The following FTO variants were observed in gnomAD, a reference collection of about 807,000 sequenced individuals.
The protein encoded by FTO is FTO alpha-ketoglutarate dependent dioxygenase.
Under a neutral mutation model 63.9 loss-of-function variants are expected in FTO, and 47 were observed. The observed-to-expected ratio is 0.74, with a 90% CI of 0.58 to 0.94. FTO has a LOEUF of 0.94. FTO is among the 40% of genes least tolerant of loss of function. The pLI, the probability that FTO is intolerant of heterozygous loss-of-function variation, is 0.00. For missense variants in FTO, 562 were observed against 618.1 expected, an observed-to-expected ratio of 0.91 and a Z score of 0.96; for synonymous variants, 207 against 224.4, an observed-to-expected ratio of 0.92 and a Z score of 0.69.
At chr16:54,027,471 A>G (rs1247214887) in intron 8 of FTO, among the ~76,000 whole-genome samples, 1 of 149,786 alleles carries the variant, frequency 6.7e-6, no homozygotes, top group East Asian at 2.0e-4. Context: ...AAAAAAGGAC[A>G]TTAGGAACCC....
intron 1 of FTO, among the ~76,000 whole-genome samples, chr16:53,773,471 A>G (rs2077389741): frequency 1.3e-5 from 2 of 152,136 alleles, no homozygotes; most frequent in Admixed American, 6.5e-5. Context: ...TCTCCACCCT[A>G]GGCAGCTACT....
At chr16:53,893,812 G>A (rs1388716004) in intron 7 of FTO, among the ~76,000 whole-genome samples, 1 of 152,196 alleles carries the variant, frequency 6.6e-6, no homozygotes, top group Non-Finnish European at 1.5e-5. Context: ...AGAATAAAAA[G>A]TAGATCCTGA....
chr16:53,878,328 G>T (rs2080726161), intron 5 of FTO, among the ~76,000 whole-genome samples: 1 of 152,104 alleles, frequency 6.6e-6, no homozygotes, highest in Non-Finnish European at 1.5e-5. Flanking sequence ...TGTTGTAGAG[G>T]TTGCTGTGGG....
At chr16:53,860,664 T>C (rs1393170907) in intron 4 of FTO, among the ~76,000 whole-genome samples, 2 of 152,086 alleles carry the variant, frequency 1.3e-5, no homozygotes, top group African/African-American at 4.8e-5. Context: ...GAGAACTCAC[T>C]GTCATGAGAA....
At chr16:53,959,745 C>CT (rs2083026130) in intron 8 of FTO, among the ~76,000 whole-genome samples, 2 of 152,018 alleles carry the variant, frequency 1.3e-5, no homozygotes, top group Admixed American at 1.3e-4. Context: ...CAGCCTAATT[C>CT]TGGAGCCTAA....
intron 8 of FTO, chr16:53,979,449 T>C: frequency 2.5e-6 from 1 of 398,582 alleles, no homozygotes; most frequent in East Asian, 3.6e-5. Flanking sequence ...ATATTACAGT[T>C]TGAAAACATC....
rs1412828427 is a variant in FTO, at chr16:54,111,831, G to C, written c.1434G>C (p.Lys478Asn). 3 of 1,614,170 alleles carry C rather than the reference G, an allele frequency of 1.9e-6. No homozygotes were observed. Among genetic ancestry groups the C allele is most frequent in the Non-Finnish European group, 2.5e-6 (3 of 1,180,012 alleles). The change falls in exon 9 of 9, where the codon AAG (lysine) becomes AAC (asparagine). Residue 478 changes from lysine to asparagine, a missense_variant. Physicochemically the swap from Lys to Asn is moderately conservative, Grantham distance 94. Transcript: ENST00000471389. ...CAGAATGTCGGCCATACTGGGAAAA[G>C]GATGATGCTTCGATGCCTCTGCCGT... ...QKPECRPYWE[K>N]DDASMPLPFD...
chr16:53,769,754 T>A (rs973290975), intron 1 of FTO, among the ~76,000 whole-genome samples: 1 of 152,068 alleles, frequency 6.6e-6, no homozygotes, highest in African/African-American at 2.4e-5. Context: ...TTAAACATAA[T>A]AAAATGCATT....
At chr16:53,795,569 C>G (rs2078041478) in intron 1 of FTO, among the ~76,000 whole-genome samples, 1 of 152,022 alleles carries the variant, frequency 6.6e-6, no homozygotes. Flanking sequence ...CAGCCTCCCA[C>G]AAGTGTTGGG....
intron 4 of FTO, among the ~76,000 whole-genome samples, chr16:53,850,952 G>A (rs1394326239): frequency 2.0e-5 from 3 of 152,060 alleles, no homozygotes; most frequent in Non-Finnish European, 4.4e-5. Context: ...TGAGTGAATT[G>A]TATGGTACAT....
chr16:53,884,288 G>A (rs2080939300), intron 6 of FTO, among the ~76,000 whole-genome samples: 1 of 152,168 alleles, frequency 6.6e-6, no homozygotes, highest in Non-Finnish European at 1.5e-5. Flanking sequence ...TTTAAAGATA[G>A]TAAAATGTGG....
intron 1 of FTO, among the ~76,000 whole-genome samples, chr16:53,806,303 G>A (rs1598711855): frequency 6.6e-6 from 1 of 152,142 alleles, no homozygotes; most frequent in Non-Finnish European, 1.5e-5. Flanking sequence ...TGTTTGAATT[G>A]GTAATAGGTA....
intron 1 of FTO, among the ~76,000 whole-genome samples, chr16:53,758,022 G>T (rs2076963147): frequency 1.3e-5 from 2 of 152,118 alleles, no homozygotes; most frequent in African/African-American, 4.8e-5. Flanking sequence ...TTAATCAAAG[G>T]CATAATCAAG....
chr16:53,795,120 T>C (rs371607523), intron 1 of FTO, among the ~76,000 whole-genome samples: 3 of 151,994 alleles, frequency 2.0e-5, no homozygotes, highest in African/African-American at 7.2e-5. Context: ...AACAACGACA[T>C]GAAAAAGAAC....
chr16:53,979,536 TG>T, intron 8 of FTO: 1 of 52,412 alleles, frequency 1.9e-5, no homozygotes, highest in Non-Finnish European at 3.9e-5. Flanking sequence ...TGTTTATGGC[TG>T]TGTGTGTGTG....
intron 1 of FTO, among the ~76,000 whole-genome samples, chr16:53,718,228 ATTAC>A (rs1205314076): frequency 6.6e-6 from 1 of 152,046 alleles, no homozygotes; most frequent in Admixed American, 6.5e-5. Context: ...GGCACCATTT[ATTAC>A]TTTATGTAAA....
chr16:53,821,347 C>T (rs1448058453), intron 2 of FTO, among the ~76,000 whole-genome samples: 2 of 152,148 alleles, frequency 1.3e-5, no homozygotes, highest in Admixed American at 6.5e-5. Flanking sequence ...TTCATCATTG[C>T]TTTGAGTATA....
intron 1 of FTO, among the ~76,000 whole-genome samples, chr16:53,757,209 C>T (rs1304196983): frequency 6.6e-6 from 1 of 152,102 alleles, no homozygotes. Flanking sequence ...TGCATTATCT[C>T]ACATACTTTT....
chr16:53,981,559 G>A (rs551975920), intron 8 of FTO: 2 of 152,426 alleles, frequency 1.3e-5, no homozygotes, highest in East Asian at 1.9e-4. Flanking sequence ...AATCACCTGA[G>A]GTCAGGAGTT....
Sources: gnomAD v4.1 joint callset for allele counts (sites outside exome capture counted in the v4.1 genomes callset) on GRCh38, gnomAD v4.1.1 for gene constraint, MANE v1.5 for transcripts, NCBI Gene and HGNC (gene_info 2026-07-23, HGNC 2026-07-21) for gene names.